The following ITGB3BP variants were observed in gnomAD, a reference collection of about 807,000 sequenced individuals.
ITGB3BP encodes the protein integrin subunit beta 3 binding protein.
In ITGB3BP, 27 loss-of-function variants were observed where a neutral mutation model predicts 29.1. The ratio of observed to expected loss-of-function variants is 0.93; its 90% CI spans 0.68 to 1.28. The LOEUF (loss-of-function observed/expected upper bound fraction) is 1.28. Ranked by LOEUF, ITGB3BP falls within the 50% of genes most tolerant of loss-of-function variation. ITGB3BP has a pLI of 0.00. For synonymous variants in ITGB3BP, 61 were observed against 61.4 expected, an observed-to-expected ratio of 0.99 and a Z score of 0.03; for missense variants, 192 against 200.2, an observed-to-expected ratio of 0.96 and a Z score of 0.25.
intron 8 of ITGB3BP, among the ~76,000 whole-genome samples, chr1:63,443,573 A>G (rs934139279): frequency 2.0e-5 from 3 of 152,182 alleles, no homozygotes; most frequent in African/African-American, 7.2e-5. Context: ...TTTATCATAC[A>G]TATGGTAGAG....
rs1356878953 is a variant in ITGB3BP, at chr1:63,516,573, G to A, written c.5+6556C>T. ...AAAAAATTAAAAATTAGGCCAGTGTGGTGGTGTACACCTGTAGTCCCAGCT... is the reference window on the plus strand; with the variant it reads ...AAAAAATTAAAAATTAGGCCAGTGTAGTGGTGTACACCTGTAGTCCCAGCT... On this transcript the variant is annotated intron_variant, in intron 1 of 8. Coordinates refer to ENST00000271002, the MANE Select transcript of ITGB3BP (RefSeq NM_014288.5). 6.6e-5 allele frequency among the ~76,000 whole-genome samples: 10 copies of A among 151,650 alleles called. No homozygotes were observed. The East Asian group carries it at 1.7e-3, about 26-fold the overall frequency.
intron 8 of ITGB3BP, among the ~76,000 whole-genome samples, chr1:63,445,401 G>A (rs1644778777): frequency 6.6e-6 from 1 of 152,016 alleles, no homozygotes; most frequent in African/African-American, 2.4e-5. Context: ...CAGAATAAAC[G>A]TTTTCATAAA....
At chr1:63,504,043 T>A (rs934318908) in intron 2 of ITGB3BP, among the ~76,000 whole-genome samples, 2 of 151,896 alleles carry the variant, frequency 1.3e-5, no homozygotes, top group African/African-American at 2.4e-5. Context: ...TTTCCAATTC[T>A]GTGAAGAAAG....
intron 1 of ITGB3BP, among the ~76,000 whole-genome samples, chr1:63,516,151 G>A (rs1056372094): frequency 6.6e-6 from 1 of 151,594 alleles, no homozygotes; most frequent in Non-Finnish European, 1.5e-5. Context: ...GGCCAGGCAT[G>A]GTGGCTCACA....
intron 4 of ITGB3BP, among the ~76,000 whole-genome samples, chr1:63,463,237 G>C (rs187764764): frequency 3.2e-5 from 3 of 92,338 alleles, no homozygotes; most frequent in African/African-American, 4.1e-5. Flanking sequence ...CAACAAGAGC[G>C]AAACTCTGTC....
chr1:63,463,447 A>G (rs940994707), intron 4 of ITGB3BP, among the ~76,000 whole-genome samples: 1 of 152,164 alleles, frequency 6.6e-6, no homozygotes, highest in Non-Finnish European at 1.5e-5. Context: ...GTCAATGTCA[A>G]TTTCCTGGTT....
chr1:63,483,586 T>G lies in ITGB3BP; in HGVS notation c.185-4753A>C, dbSNP rs199922910. 1.8e-4 allele frequency among the ~76,000 whole-genome samples: 28 copies of G among 152,352 alleles called. No homozygotes were observed. The East Asian group carries it at 3.9e-3, about 21-fold the overall frequency. On this transcript the variant is annotated intron_variant, in intron 3 of 8. Coordinates refer to ENST00000271002, the MANE Select transcript of ITGB3BP (RefSeq NM_014288.5). ...AATTTATCTTCATATCATTATTTCC[T>G]TTCTACTTTGGGGGGTTCATTATGT...
chr1:63,452,634 T>TTTC (rs1553159118), intron 7 of ITGB3BP, among the ~76,000 whole-genome samples: 31 of 6,662 alleles, frequency 4.7e-3, no homozygotes, highest in Admixed American at 0.029. Flanking sequence ...CTTTTCTTTC[T>TTTC]TTTTTTTTTT....
At chr1:63,509,101 C>T (rs1408367334) in intron 1 of ITGB3BP, among the ~76,000 whole-genome samples, 1 of 152,142 alleles carries the variant, frequency 6.6e-6, no homozygotes, top group African/African-American at 2.4e-5. Context: ...AACAGATGCT[C>T]TATGTCTTTA....
Position 63,454,516 on chromosome 1 carries a change from A to G in ITGB3BP, c.334-43T>C. 1.1e-6 allele frequency: 1 copy of G among 906,612 alleles called. No individual in the cohort carries two copies. Among genetic ancestry groups the G allele is most frequent in the Non-Finnish European group, 1.8e-6 (1 of 571,224 alleles). The allele number at this position is 906,612 out of a possible 1,614,324, so 56.2% of individuals were successfully genotyped here. A position where few individuals can be genotyped will look rare whatever the true frequency, so the allele number is the denominator to read the frequency against. On this transcript the variant is annotated intron_variant, in intron 5 of 8. Transcript: ENST00000271002. The surrounding 1 kb of genome is among the most constrained non-coding windows in gnomAD (Gnocchi z 4.1). ...TGAATGAGTTAAGTTCTCTACACAC[A>G]TGAGATTACTGACATGTCTAGTGAA...
intron 4 of ITGB3BP, among the ~76,000 whole-genome samples, chr1:63,467,160 G>A (rs373572934): frequency 2.3e-3 from 353 of 152,224 alleles, no homozygotes; most frequent in African/African-American, 8.2e-3. Context: ...TGGGATTACA[G>A]GCCAGTGATG....
At chr1:63,479,677 A>G (rs1049740770) in intron 3 of ITGB3BP, among the ~76,000 whole-genome samples, 2 of 152,082 alleles carry the variant, frequency 1.3e-5, no homozygotes, top group African/African-American at 2.4e-5. Context: ...GATCCCACTT[A>G]TAAGTGAGAT....
chr1:63,480,547 C>T (rs1023020428), intron 3 of ITGB3BP, among the ~76,000 whole-genome samples: 1 of 151,810 alleles, frequency 6.6e-6, no homozygotes, highest in Non-Finnish European at 1.5e-5. Context: ...AACAGTCAAA[C>T]GAAACTCAAT....
intron 2 of ITGB3BP, among the ~76,000 whole-genome samples, chr1:63,504,301 T>A (rs2100752616): frequency 6.6e-6 from 1 of 152,036 alleles, no homozygotes; most frequent in South Asian, 2.1e-4. Context: ...CACTCATGAT[T>A]TGGCTCTGTT....
At chr1:63,522,975 G>C (rs1646493795) in intron 1 of ITGB3BP, 154 bp downstream of exon 1, 1 of 858,510 alleles carries the variant, frequency 1.2e-6, no homozygotes, top group African/African-American at 1.7e-5. Context: ...ACGTAGAGTT[G>C]AGGGTACCAA....
At chr1:63,496,093 A>C (rs1645780692) in intron 2 of ITGB3BP, among the ~76,000 whole-genome samples, 2 of 143,918 alleles carry the variant, frequency 1.4e-5, no homozygotes, top group Admixed American at 1.3e-4. Context: ...GGGCCACTAC[A>C]ATTTTTTTTT....
chr1:63,506,666 G>T (rs2100765212), intron 2 of ITGB3BP, among the ~76,000 whole-genome samples: 1 of 152,264 alleles, frequency 6.6e-6, no homozygotes, highest in East Asian at 1.9e-4. Flanking sequence ...TAGGAACACT[G>T]GGAGTTAGGA....
chr1:63,501,880 T>C, intron 2 of ITGB3BP, among the ~76,000 whole-genome samples: 1 of 149,340 alleles, frequency 6.7e-6, no homozygotes, highest in East Asian at 1.9e-4. Flanking sequence ...AAAAAAAGTG[T>C]CTTACTAATA....
chr1:63,463,136 C>G (rs1038286036), intron 4 of ITGB3BP, among the ~76,000 whole-genome samples: 1 of 149,034 alleles, frequency 6.7e-6, no homozygotes, highest in African/African-American at 2.5e-5. Flanking sequence ...ATAATCCCAG[C>G]TATCTGGGAG....
Sources: gnomAD v4.1 joint callset for allele counts (sites outside exome capture counted in the v4.1 genomes callset) on GRCh38, gnomAD v4.1.1 for gene constraint, Gnocchi (gnomAD v3.1) non-coding constraint, MANE v1.5 for transcripts, NCBI Gene and HGNC (gene_info 2026-07-23, HGNC 2026-07-21) for gene names.